Variants in DRC9 observed in about 807,000 individuals in gnomAD.
The protein encoded by DRC9 is dynein regulatory complex protein 9.
chr3:197,915,657 C>T, the DRC9 span, among the ~76,000 whole-genome samples: 764 of 152,216 alleles, frequency 5.0e-3, 9 homozygotes, highest in African/African-American at 0.018. Flanking sequence ...GAGATGGAGG[C>T]TCGCTCTTGT....
At chr3:197,924,745 C>G in the DRC9 span, among the ~76,000 whole-genome samples, 1 of 152,118 alleles carries the variant, frequency 6.6e-6, no homozygotes, top group African/African-American at 2.4e-5. Flanking sequence ...GTCTCGATCT[C>G]TTAACCTCGT....
chr3:197,914,135 A>G, the DRC9 span: 2 of 1,029,852 alleles, frequency 1.9e-6, no homozygotes, highest in Non-Finnish European at 3.0e-6. Flanking sequence ...ATGCGTATAA[A>G]TCAATAAGGA....
chr3:197,950,313 T>C, the DRC9 span: 1 of 1,229,222 alleles, frequency 8.1e-7, no homozygotes, highest in South Asian at 4.2e-5. Context: ...CGTATCGGAG[T>C]CTCTGCCAGC....
the DRC9 span, among the ~76,000 whole-genome samples, chr3:197,935,165 G>A: frequency 6.6e-6 from 1 of 152,142 alleles, no homozygotes; most frequent in African/African-American, 2.4e-5. Flanking sequence ...TTGTGGCCGG[G>A]CGCAGTGGCT....
the DRC9 span, among the ~76,000 whole-genome samples, chr3:197,912,067 G>T: frequency 6.6e-6 from 1 of 151,152 alleles, no homozygotes; most frequent in Non-Finnish European, 1.5e-5. Context: ...TTGAGACGGG[G>T]TCTCGCTCTG....
the DRC9 span, chr3:197,913,813 G>A: frequency 1.4e-6 from 2 of 1,466,048 alleles, no homozygotes; most frequent in East Asian, 2.3e-5. Context: ...TTTGTTAGCT[G>A]AGAGGGGATC....
the DRC9 span, among the ~76,000 whole-genome samples, chr3:197,942,308 C>T: frequency 9.8e-5 from 14 of 143,368 alleles, no homozygotes; most frequent in African/African-American, 3.3e-4. Context: ...GGCATGAACC[C>T]GGGAGGCGGA....
At chr3:197,891,710 A>G in the DRC9 span, among the ~76,000 whole-genome samples, 2 of 152,254 alleles carry the variant, frequency 1.3e-5, no homozygotes, top group Admixed American at 6.5e-5. Flanking sequence ...AAATATTCAC[A>G]TATTAACTTT....
chr3:197,913,778 T>G, the DRC9 span: 5 of 1,196,674 alleles, frequency 4.2e-6, no homozygotes, highest in Non-Finnish European at 6.3e-6. Flanking sequence ...CCGATAGAGA[T>G]GGAGGGAAAT....
At chr3:197,955,622 T>TA in the DRC9 span, 11 of 855,954 alleles carry the variant, frequency 1.3e-5, no homozygotes, top group Non-Finnish European at 2.2e-5. Context: ...CTGAAGGCTA[T>TA]AAAAACTTTC....
the DRC9 span, among the ~76,000 whole-genome samples, chr3:197,952,063 T>A: frequency 6.6e-6 from 1 of 152,204 alleles, no homozygotes; most frequent in Non-Finnish European, 1.5e-5. Flanking sequence ...GTGATCCTTT[T>A]AAGGTTTCTA....
the DRC9 span, among the ~76,000 whole-genome samples, chr3:197,904,071 C>CAT: frequency 0.15 from 7,036 of 45,688 alleles, 400 homozygotes; most frequent in Non-Finnish European, 0.29. Flanking sequence ...TATATACATA[C>CAT]ATATATATAT....
chr3:197,912,975 T>G, the DRC9 span: 3 of 508,898 alleles, frequency 5.9e-6, no homozygotes, highest in South Asian at 4.5e-5. Flanking sequence ...TCCCGTGAGC[T>G]GAACAGAGGT....
chr3:197,916,621 C>T, the DRC9 span, among the ~76,000 whole-genome samples: 6 of 152,152 alleles, frequency 3.9e-5, no homozygotes, highest in East Asian at 9.7e-4. Context: ...CCGTGTCCCC[C>T]AGGCTGTAGT....
At chr3:197,940,113 C>A in the DRC9 span, among the ~76,000 whole-genome samples, 1 of 152,136 alleles carries the variant, frequency 6.6e-6, no homozygotes, top group Middle Eastern at 3.4e-3. Flanking sequence ...CCTGCCTCAG[C>A]CTTCCAAGTA....
the DRC9 span, among the ~76,000 whole-genome samples, chr3:197,946,250 A>G: frequency 1.1e-4 from 16 of 152,096 alleles, no homozygotes; most frequent in East Asian, 2.9e-3. Flanking sequence ...CCTGGCTAAC[A>G]CGGTGAAACC....
chr3:197,903,000 A>C, the DRC9 span, among the ~76,000 whole-genome samples: 2 of 152,236 alleles, frequency 1.3e-5, no homozygotes, highest in Admixed American at 6.5e-5. Flanking sequence ...AATGGAACAG[A>C]ATAGAGAACC....
the DRC9 span, among the ~76,000 whole-genome samples, chr3:197,893,357 CAAAA>C: frequency 2.8e-4 from 12 of 43,246 alleles, no homozygotes; most frequent in African/African-American, 9.0e-4. Flanking sequence ...AACTCCGTCT[CAAAA>C]AAAAAAAAAA....
At chr3:197,941,221 C>A in the DRC9 span, among the ~76,000 whole-genome samples, 2 of 142,254 alleles carry the variant, frequency 1.4e-5, no homozygotes, top group Admixed American at 1.4e-4. Flanking sequence ...TTCCTTCCTC[C>A]CTCCCTTCCC....
Sources: gnomAD v4.1 joint callset for allele counts (sites outside exome capture counted in the v4.1 genomes callset) on GRCh38, gnomAD v4.1.1 for gene constraint, MANE v1.5 for transcripts, NCBI Gene and HGNC (gene_info 2026-07-23, HGNC 2026-07-21) for gene names.